SH3GLB1: variants seen among roughly 807,000 people sequenced by gnomAD.
SH3GLB1 encodes SH3 domain containing GRB2 like, endophilin B1.
A neutral mutation model predicts 42.0 loss-of-function variants in SH3GLB1; 17 were observed. That is an observed-to-expected ratio of 0.40 (90% CI 0.28 to 0.61). SH3GLB1 has a LOEUF of 0.61. Ranked by LOEUF, SH3GLB1 falls within the 20% of genes least tolerant of loss-of-function variation. The probability of loss-of-function intolerance (pLI) is 0.36; values close to 1 mark genes in which losing one functional copy is unlikely to be tolerated. For synonymous variants in SH3GLB1, 132 were observed against 146.6 expected (o/e 0.90, Z 0.72); for missense variants, 355 against 426.3 (o/e 0.83, Z 1.47).
chr1:86,733,814 G>A (rs1400821536), intron 5 of SH3GLB1, among the ~76,000 whole-genome samples: 5 of 152,092 alleles, frequency 3.3e-5, no homozygotes, highest in East Asian at 1.9e-4. Flanking sequence ...GTGACTTCAC[G>A]TTAGTAGCTG....
At chr1:86,722,090 G>T (rs1374202595) in intron 3 of SH3GLB1, among the ~76,000 whole-genome samples, 2 of 140,034 alleles carry the variant, frequency 1.4e-5, no homozygotes, top group Non-Finnish European at 3.0e-5. Context: ...GGGCTCAAAC[G>T]ATCCTCCTCC....
At chr1:86,709,800 A>G (rs977473990) in intron 1 of SH3GLB1, among the ~76,000 whole-genome samples, 1 of 152,258 alleles carries the variant, frequency 6.6e-6, no homozygotes, top group African/African-American at 2.4e-5. Flanking sequence ...TAAGGAATAT[A>G]GTTCTTAAAA....
chr1:86,744,450 T>A lies in SH3GLB1; in HGVS notation c.*1215T>A, dbSNP rs1212551997. On this transcript the variant is annotated 3_prime_UTR_variant, in exon 9 of 9. Transcript: ENST00000370558. ...GATACAGAAAATTAAGCAATTATCC[T>A]ATAGTAGGATTCGTGGTGTGATGGG... is the stretch of plus-strand genomic sequence containing the variant. 1 of 152,188 alleles carries A rather than the reference T, an allele frequency of 6.6e-6. No individual in the cohort carries two copies. Among genetic ancestry groups the A allele is most frequent in the African/African-American group, 2.4e-5 (1 of 41,442 alleles). 9.4% of individuals were successfully genotyped at this position (152,188 alleles called of 1,614,324 possible). A position where few individuals can be genotyped will look rare whatever the true frequency, so the allele number is the denominator to read the frequency against.
At chr1:86,725,357 A>G (rs890170415) in intron 5 of SH3GLB1, among the ~76,000 whole-genome samples, 2 of 152,138 alleles carry the variant, frequency 1.3e-5, no homozygotes, top group East Asian at 1.9e-4. Flanking sequence ...ATTCTAGTAT[A>G]TATTCCAGAA....
At chr1:86,736,081 G>A (rs1655764462) in intron 7 of SH3GLB1, among the ~76,000 whole-genome samples, 1 of 152,170 alleles carries the variant, frequency 6.6e-6, no homozygotes, top group Non-Finnish European at 1.5e-5. Context: ...AAGAGAGTAG[G>A]GAAAGTTCGG....
At chr1:86,731,519 A>G (rs1480847489) in intron 5 of SH3GLB1, among the ~76,000 whole-genome samples, 1 of 152,168 alleles carries the variant, frequency 6.6e-6, no homozygotes, top group Non-Finnish European at 1.5e-5. Context: ...AACTTCTAGC[A>G]TGAAAAGGGG....
At chr1:86,726,080 T>G (rs891978722) in intron 5 of SH3GLB1, among the ~76,000 whole-genome samples, 1 of 152,038 alleles carries the variant, frequency 6.6e-6, no homozygotes, top group Non-Finnish European at 1.5e-5. Context: ...GAAAAGTAAA[T>G]TATAAACTAG....
Position 86,719,502 on chromosome 1 carries a change from C to T in SH3GLB1, c.215-5C>T, listed in dbSNP as rs753930901. On this transcript the variant is annotated splice_region_variant and splice_polypyrimidine_tract_variant and intron_variant, in intron 2 of 8. Coordinates refer to ENST00000370558, the MANE Select transcript of SH3GLB1 (RefSeq NM_016009.5). The stretch of plus-strand genomic sequence containing the variant: ...AATCATTGGTAATTTTAACCTTTCT[C>T]CTAGATGCCAGGATAGAAGAATTTG... The T allele has an allele frequency of 1.9e-6, 3 of 1,597,556 alleles. No individual in the cohort carries two copies. The highest frequency in any genetic ancestry group is 2.7e-5 in the African/African-American group (2 of 73,628).
chr1:86,724,264 C>G (rs767749993), intron 4 of SH3GLB1, 49 bp from the exon 5 acceptor site: 1 of 1,323,804 alleles, frequency 7.6e-7, no homozygotes, highest in South Asian at 1.4e-5. Context: ...ATGCTCTTAA[C>G]AGAATTTTAG....
At chr1:86,710,940 T>G (rs1348016402) in intron 1 of SH3GLB1, among the ~76,000 whole-genome samples, 1 of 152,214 alleles carries the variant, frequency 6.6e-6, no homozygotes, top group African/African-American at 2.4e-5. Flanking sequence ...TCTTTATAAA[T>G]GCCAATATAT....
intron 7 of SH3GLB1, among the ~76,000 whole-genome samples, chr1:86,739,524 G>A (rs1198657663): frequency 3.3e-5 from 5 of 152,174 alleles, no homozygotes; most frequent in African/African-American, 1.2e-4. Context: ...GCAAAGTAAT[G>A]TTTGTAATAT....
At chr1:86,734,548 T>C (rs1655680877) in intron 5 of SH3GLB1, 54 bp from the exon 6 acceptor site, 1 of 1,283,698 alleles carries the variant, frequency 7.8e-7, no homozygotes, top group African/African-American at 1.5e-5. Context: ...AATAAATGTA[T>C]ATAAGATGGA....
chr1:86,721,345 C>G (rs577704420), intron 3 of SH3GLB1, among the ~76,000 whole-genome samples: 1 of 152,186 alleles, frequency 6.6e-6, no homozygotes, highest in East Asian at 1.9e-4. Context: ...GACAAGGAAA[C>G]AGGTTTGGAG....
At chr1:86,733,821 G>T (rs1655637933) in intron 5 of SH3GLB1, among the ~76,000 whole-genome samples, 1 of 152,110 alleles carries the variant, frequency 6.6e-6, no homozygotes, top group Non-Finnish European at 1.5e-5. Context: ...CACGTTAGTA[G>T]CTGGAAATCA....
In SH3GLB1 at chr1:86,746,420, T is replaced by G. The variant is rs1244969113; in HGVS notation, c.*3185T>G. 1 of 152,330 alleles carries G rather than the reference T, an allele frequency of 6.6e-6. No individual in the cohort carries two copies. Among genetic ancestry groups the G allele is most frequent in the Non-Finnish European group, 1.5e-5 (1 of 68,050 alleles). The allele number at this position is 152,330 out of a possible 1,614,324, so 9.4% of individuals were successfully genotyped here. A position where few individuals can be genotyped will look rare whatever the true frequency, so the allele number is the denominator to read the frequency against. Reference sequence around the variant, plus strand: ...CACTTTAAGCTTCAGTGAGGTGCTGTAATGGAGAGATAGCTTCATAGTTTA... The same window carrying G: ...CACTTTAAGCTTCAGTGAGGTGCTGGAATGGAGAGATAGCTTCATAGTTTA... On this transcript the variant is annotated 3_prime_UTR_variant, in exon 9 of 9. Coordinates refer to ENST00000370558, the MANE Select transcript of SH3GLB1 (RefSeq NM_016009.5).
chr1:86,730,475 A>G (rs1655446768), intron 5 of SH3GLB1: 2 of 666,434 alleles, frequency 3.0e-6, no homozygotes, highest in Non-Finnish European at 3.7e-6. Flanking sequence ...TCTTCAGAGA[A>G]TGGGATATAT....
chr1:86,730,161 T>C (rs1240075829), intron 5 of SH3GLB1: 4 of 1,557,572 alleles, frequency 2.6e-6, no homozygotes, highest in South Asian at 1.2e-5. Context: ...TTAGTTGACG[T>C]TGATTCAGTA....
rs2101998675 is a variant in SH3GLB1 at position 86,745,619 on chromosome 1, A to G, written c.*2384A>G. 6.6e-6 allele frequency: 1 copy of G among 152,322 alleles called. No individual in the cohort carries two copies. Among genetic ancestry groups the G allele is most frequent in the South Asian group, 2.1e-4 (1 of 4,824 alleles). 9.4% of individuals were successfully genotyped at this position (152,322 alleles called of 1,614,324 possible). A position where few individuals can be genotyped will look rare whatever the true frequency, so the allele number is the denominator to read the frequency against. On this transcript the variant is annotated 3_prime_UTR_variant, in exon 9 of 9. Coordinates refer to ENST00000370558, the MANE Select transcript of SH3GLB1 (RefSeq NM_016009.5). ...AACCTTCAATAATGTTAAGCTTCAA[A>G]GGCTTCTGGTACGTTTGTCTACCAC...
At chr1:86,705,268 C>T (rs1325806744) in intron 1 of SH3GLB1, among the ~76,000 whole-genome samples, 3 of 152,176 alleles carry the variant, frequency 2.0e-5, no homozygotes, top group East Asian at 1.9e-4. Flanking sequence ...GATACCACGA[C>T]GTCAGTGCTC....
Sources: allele counts gnomAD v4.1 joint callset (sites outside exome capture counted in the v4.1 genomes callset), GRCh38; gene constraint gnomAD v4.1.1; transcripts MANE v1.5; gene names NCBI Gene and HGNC (gene_info 2026-07-23, HGNC 2026-07-21).